RBM26: variants seen among roughly 807,000 people sequenced by gnomAD.
The protein encoded by RBM26 is RNA binding motif protein 26, also known as RNA-binding protein 26.
In RBM26, 30 loss-of-function variants were observed where a neutral mutation model predicts 123.6. The observed-to-expected ratio is 0.24, with a 90% CI of 0.18 to 0.33. RBM26 has a LOEUF of 0.33. Among genes scored for constraint, RBM26 ranks in the 10% least tolerant of loss-of-function variants. The pLI, the probability that RBM26 is intolerant of heterozygous loss-of-function variation, is 1.00. For synonymous variants in RBM26, 400 were observed against 404.4 expected (o/e 0.99, Z 0.13); for missense variants, 947 against 1,203.6 (o/e 0.79, Z 3.15).
intron 20 of RBM26, among the ~76,000 whole-genome samples, chr13:79,329,443 T>C (rs1304900806): frequency 6.6e-6 from 1 of 152,010 alleles, no homozygotes; most frequent in African/African-American, 2.4e-5. Flanking sequence ...ACCCAAACTG[T>C]AGTGTCTAAA....
intron 7 of RBM26, 66 bp downstream of exon 7, chr13:79,366,567 T>G: frequency 7.0e-7 from 1 of 1,433,960 alleles, no homozygotes; most frequent in Non-Finnish European, 9.3e-7. Flanking sequence ...TTTAAGAATC[T>G]ATTAAGTTTT....
intron 1 of RBM26, among the ~76,000 whole-genome samples, chr13:79,388,368 C>T (rs1242339409): frequency 1.3e-5 from 2 of 152,192 alleles, no homozygotes; most frequent in Admixed American, 6.5e-5. Flanking sequence ...AGTGCTGGGA[C>T]TATAGGCGTG....
At chr13:79,344,597 C>A in intron 15 of RBM26, 72 bp downstream of exon 15, 1 of 1,371,616 alleles carries the variant, frequency 7.3e-7, no homozygotes. Flanking sequence ...GCAATAAGCA[C>A]TGAAAAAACA....
At chr13:79,332,137 A>G (rs1211485894) in intron 20 of RBM26, among the ~76,000 whole-genome samples, 1 of 152,184 alleles carries the variant, frequency 6.6e-6, no homozygotes, top group African/African-American at 2.4e-5. Flanking sequence ...ATCTAGGATA[A>G]TGGTCCAGAA....
chr13:79,356,044 T>C (rs1594259656), intron 11 of RBM26, among the ~76,000 whole-genome samples: 1 of 152,132 alleles, frequency 6.6e-6, no homozygotes, highest in East Asian at 1.9e-4. Context: ...CCACTGGTGG[T>C]GTGCAGCAAT....
intron 21 of RBM26, among the ~76,000 whole-genome samples, chr13:79,321,898 TGATA>T (rs2067714891): frequency 6.6e-6 from 1 of 151,452 alleles, no homozygotes; most frequent in Non-Finnish European, 1.5e-5. Context: ...AGCTCCTTGA[TGATA>T]GATAGGGACC....
intron 1 of RBM26, among the ~76,000 whole-genome samples, chr13:79,400,234 A>G (rs911139152): frequency 6.6e-5 from 10 of 152,240 alleles, no homozygotes; most frequent in Non-Finnish European, 8.8e-5. Context: ...TTGTGCTGCT[A>G]TAACAGAATA....
At position 79,396,885 on chromosome 13, in the gene RBM26, T is replaced by C. The variant is rs1217783428; in HGVS notation, c.71+8819A>G. Among the ~76,000 whole-genome samples, 13 of 152,092 alleles carry C rather than the reference T, an allele frequency of 8.5e-5. 1 individual carries two copies. Among genetic ancestry groups the C allele is most frequent in the Admixed American group, 8.5e-4 (13 of 15,266 alleles). ...AAATCTGTATGATCGTCTCAACAGA[T>C]GGAGAAAAAGAACTGGCCAGGCACA... On this transcript the variant is annotated intron_variant, in intron 1 of 21. Transcript: ENST00000438737.
intron 13 of RBM26, among the ~76,000 whole-genome samples, chr13:79,353,883 G>A (rs2073623826): frequency 6.6e-6 from 1 of 152,162 alleles, no homozygotes; most frequent in Admixed American, 6.6e-5. Context: ...CTCAAGTGTT[G>A]AAGGAAGTGG....
intron 19 of RBM26, among the ~76,000 whole-genome samples, chr13:79,336,273 CTAAAG>C (rs531880798): frequency 1.9e-4 from 29 of 152,090 alleles, no homozygotes; most frequent in Non-Finnish European, 3.7e-4. Context: ...CTCTAAGTTA[CTAAAG>C]TATTTATAGT....
chr13:79,357,478 T>C (rs1251218552), intron 11 of RBM26, among the ~76,000 whole-genome samples: 2 of 152,106 alleles, frequency 1.3e-5, no homozygotes, highest in Non-Finnish European at 2.9e-5. Context: ...AAGTTACATA[T>C]ACCCAAGCCA....
rs954171675 is a variant in RBM26, at chr13:79,337,987, G to A, written c.2533-685C>T. Among the ~76,000 whole-genome samples the A allele has an allele frequency of 3.3e-5, 5 of 152,192 alleles. No homozygotes were observed. In the East Asian group the frequency reaches 7.7e-4, roughly 23 times the overall value. ...AATCCCAAAACTTTAGGAGGCCGAG[G>A]CAGGCAGATCAACTGAGGCCAAAAG... On this transcript the variant is annotated intron_variant, in intron 18 of 21. Transcript: ENST00000438737.
chr13:79,391,567 G>C (rs2077993740), intron 1 of RBM26, among the ~76,000 whole-genome samples: 2 of 151,986 alleles, frequency 1.3e-5, no homozygotes, highest in African/African-American at 4.8e-5. Context: ...GGGATTACAG[G>C]CGCCCACCAC....
intron 14 of RBM26, among the ~76,000 whole-genome samples, chr13:79,347,453 G>GT (rs1201106875): frequency 2.0e-5 from 3 of 152,086 alleles, no homozygotes; most frequent in African/African-American, 7.2e-5. Context: ...AGTTTGGATA[G>GT]TAAGAGACAC....
At chr13:79,360,442 T>C (rs1416522985) in intron 9 of RBM26, among the ~76,000 whole-genome samples, 1 of 152,118 alleles carries the variant, frequency 6.6e-6, no homozygotes, top group African/African-American at 2.4e-5. Context: ...CACTTCTTTG[T>C]AGATAAAACC....
At chr13:79,357,721 T>C (rs1380752328) in intron 11 of RBM26, among the ~76,000 whole-genome samples, 1 of 152,290 alleles carries the variant, frequency 6.6e-6, no homozygotes, top group Non-Finnish European at 1.5e-5. Context: ...TATTGTAAGA[T>C]TGGATTTTAC....
At chr13:79,392,909 A>C (rs2078224569) in intron 1 of RBM26, among the ~76,000 whole-genome samples, 1 of 152,160 alleles carries the variant, frequency 6.6e-6, no homozygotes, top group East Asian at 1.9e-4. Flanking sequence ...AGGAAGAAAA[A>C]TCTGACTCCA....
Position 79,366,104 on chromosome 13 carries a change from A to C in RBM26, c.1227T>G (p.Thr409=). 1 of 1,614,098 alleles carries C rather than the reference A, an allele frequency of 6.2e-7. No homozygotes were observed. The highest frequency in any genetic ancestry group is 8.5e-7 in the Non-Finnish European group (1 of 1,179,948). The part of the protein sequence containing the change: ...ATSSVPTVVT[T]GIHHQPPPAP... ...CAGGAGGAGGCTGGTGATGAATGCCAGTTGTTACTACAGTAGGAACAGAAC... is the reference window on the plus strand; with the variant it reads ...CAGGAGGAGGCTGGTGATGAATGCCCGTTGTTACTACAGTAGGAACAGAAC... The change falls in exon 8 of 22, where the codon ACT becomes ACG. Residue 409 remains threonine (T), a synonymous_variant. Transcript: ENST00000438737.
chr13:79,314,210 G>A (rs2066983760), downstream of RBM26: 1 of 151,658 alleles, frequency 6.6e-6, no homozygotes, highest in Admixed American at 6.6e-5. Flanking sequence ...CTTTACCAAT[G>A]TTAGGCACAC....
Sources: gnomAD v4.1 joint callset for allele counts (sites outside exome capture counted in the v4.1 genomes callset) on GRCh38, gnomAD v4.1.1 for gene constraint, MANE v1.5 for transcripts, NCBI Gene and HGNC (gene_info 2026-07-23, HGNC 2026-07-21) for gene names.